Variants in SPATA22 observed in about 807,000 individuals in gnomAD.
SPATA22 encodes spermatogenesis-associated protein 22.
In SPATA22, 29 loss-of-function variants were observed where a neutral mutation model predicts 47.8. That is an observed-to-expected ratio of 0.61 (90% CI 0.45 to 0.83). SPATA22 has a LOEUF of 0.83. Ranked by LOEUF, SPATA22 falls within the 40% of genes least tolerant of loss-of-function variation. SPATA22 has a pLI of 0.00. For missense variants in SPATA22, 410 were observed against 421.7 expected, an observed-to-expected ratio of 0.97 and a Z score of 0.24; for synonymous variants, 133 against 140.9, an observed-to-expected ratio of 0.94 and a Z score of 0.40.
upstream of SPATA22, among the ~76,000 whole-genome samples, chr17:3,473,581 C>G (rs2073479530): frequency 6.6e-6 from 1 of 152,142 alleles, no homozygotes; most frequent in African/African-American, 2.4e-5. Flanking sequence ...TCACTGCAAC[C>G]TCCGCCTTCT....
intron 5 of SPATA22, among the ~76,000 whole-genome samples, chr17:3,450,736 A>ATT (rs961857472): frequency 1.3e-5 from 2 of 149,358 alleles, no homozygotes; most frequent in African/African-American, 4.9e-5. Context: ...AGAAAAATTT[A>ATT]TTTCAGCTTT....
At position 3,454,805 on chromosome 17, in the gene SPATA22, GTA is replaced by G. The variant is rs1429076617; in HGVS notation, c.330-5658_330-5657del. Among the ~76,000 whole-genome samples, 5 of 152,210 alleles carry G rather than the reference GTA, an allele frequency of 3.3e-5. No homozygotes were observed. The East Asian group carries it at 9.7e-4, about 29-fold the overall frequency. The stretch of plus-strand genomic sequence containing the variant: ...AGCAGCATGATTTATAGTCCTTTGG[GTA>G]TATACCCAGTAATGGGATGGCTGGG... On this transcript the variant is annotated intron_variant, in intron 5 of 8. Coordinates refer to ENST00000572969, the MANE Select transcript of SPATA22 (RefSeq NM_001170698.2).
intron 8 of SPATA22, 92 bp from the exon 9 acceptor site, chr17:3,440,430 C>G: frequency 9.2e-7 from 1 of 1,083,738 alleles, no homozygotes; most frequent in Non-Finnish European, 1.3e-6. Context: ...AAACATGTGC[C>G]ACCTCAAAAT....
At chr17:3,475,307 G>A (rs1449749903), upstream of SPATA22, 20 of 152,216 alleles carry the variant, frequency 1.3e-4, no homozygotes. Flanking sequence ...ATAAGGCTGT[G>A]TCTATGTAAG....
intron 1 of SPATA22, among the ~76,000 whole-genome samples, chr17:3,503,793 A>G (rs1287921052): frequency 6.6e-6 from 1 of 152,042 alleles, no homozygotes; most frequent in African/African-American, 2.4e-5. Flanking sequence ...CTACATTTGC[A>G]TTTTTCTCAT....
chr17:3,446,340 C>CCT (rs1555534315), intron 7 of SPATA22, 132 bp downstream of exon 7: 7 of 801,428 alleles, frequency 8.7e-6, no homozygotes, highest in Non-Finnish European at 1.3e-5. Flanking sequence ...ATTATTAAAA[C>CCT]CAGTTCTTTG....
chr17:3,473,710 A>T (rs2073481918), upstream of SPATA22, among the ~76,000 whole-genome samples: 3 of 151,996 alleles, frequency 2.0e-5, no homozygotes, highest in Admixed American at 6.6e-5. Context: ...GTTGGCCAGG[A>T]TGGTCTCGAA....
At chr17:3,484,509 T>G (rs777404205) in intron 1 of SPATA22, among the ~76,000 whole-genome samples, 3 of 151,142 alleles carry the variant, frequency 2.0e-5, no homozygotes, top group Non-Finnish European at 2.9e-5. Flanking sequence ...AGGTTGTGTA[T>G]GTGTATGTGT....
chr17:3,464,893 G>A (rs1350476791), intron 3 of SPATA22, among the ~76,000 whole-genome samples: 2 of 107,864 alleles, frequency 1.9e-5, no homozygotes, highest in Non-Finnish European at 4.9e-5. Context: ...GGGGGTGGGG[G>A]GGGGTCAGCC....
chr17:3,462,654 C>G, intron 4 of SPATA22, 53 bp downstream of exon 4: 1 of 1,574,066 alleles, frequency 6.4e-7, no homozygotes. Flanking sequence ...CGTAGAAGAA[C>G]AACATCAGTT....
At chr17:3,499,232 CT>C (rs1327654453) in intron 1 of SPATA22, 2 of 660,454 alleles carry the variant, frequency 3.0e-6, no homozygotes, top group Non-Finnish European at 4.9e-6. Flanking sequence ...AAGCACATTT[CT>C]TAAATTAATT....
intron 1 of SPATA22, among the ~76,000 whole-genome samples, chr17:3,491,473 G>A (rs556878768): frequency 9.2e-5 from 14 of 152,242 alleles, no homozygotes; most frequent in Admixed American, 2.6e-4. Context: ...CTGGCCAGGC[G>A]CGGTGGCTCA....
intron 1 of SPATA22, among the ~76,000 whole-genome samples, chr17:3,504,345 C>T (rs1206252262): frequency 6.6e-6 from 1 of 152,152 alleles, no homozygotes; most frequent in Non-Finnish European, 1.5e-5. Flanking sequence ...CCCTTCTCTA[C>T]TGGAACATCT....
At chr17:3,445,270 G>A (rs2072702152) in intron 7 of SPATA22, among the ~76,000 whole-genome samples, 2 of 152,198 alleles carry the variant, frequency 1.3e-5, no homozygotes, top group East Asian at 1.9e-4. Flanking sequence ...TTGCAGTTAC[G>A]TGGCTACTGG....
chr17:3,459,200 T>C (rs551375209), intron 5 of SPATA22, among the ~76,000 whole-genome samples: 111 of 152,160 alleles, frequency 7.3e-4, no homozygotes, highest in African/African-American at 2.5e-3. Context: ...AGAGATCTAA[T>C]GTAGAGCATG....
At chr17:3,487,805 G>A (rs1274598515) in intron 1 of SPATA22, among the ~76,000 whole-genome samples, 2 of 152,176 alleles carry the variant, frequency 1.3e-5, no homozygotes, top group Non-Finnish European at 2.9e-5. Flanking sequence ...ACTAATATCA[G>A]GATTCTATTA....
At chr17:3,451,327 T>A (rs1222795658) in intron 5 of SPATA22, among the ~76,000 whole-genome samples, 2 of 151,728 alleles carry the variant, frequency 1.3e-5, no homozygotes, top group Non-Finnish European at 2.9e-5. Context: ...TATTGACAAA[T>A]CTAAAAGGAA....
intron 6 of SPATA22, 47 bp downstream of exon 6, chr17:3,448,759 TA>T (rs1319045526): frequency 1.4e-6 from 2 of 1,385,532 alleles, no homozygotes; most frequent in Middle Eastern, 3.8e-4. Context: ...ATTTACCTCA[TA>T]TTTTTAAAAA....
rs754689698 is a variant in SPATA22, at chr17:3,489,198, C to G, written c.-73-19800G>C. ...CTTAGTTTTATAATATATTTTCATA[C>G]TTATATAAATGTGACTATCTCTCCT... On this transcript the variant is annotated intron_variant, in intron 1 of 8. Transcript: ENST00000541913. 7 of 1,207,388 alleles carry G rather than the reference C, an allele frequency of 5.8e-6. No individual in the cohort carries two copies. The South Asian group carries it at 8.8e-5, about 15-fold the overall frequency. The allele number at this position is 1,207,388 out of a possible 1,614,324, so 74.8% of individuals were successfully genotyped here. A position where few individuals can be genotyped will look rare whatever the true frequency, so the allele number is the denominator to read the frequency against.
Sources: allele counts gnomAD v4.1 joint callset (sites outside exome capture counted in the v4.1 genomes callset), GRCh38; gene constraint gnomAD v4.1.1; transcripts MANE v1.5; gene names NCBI Gene and HGNC (gene_info 2026-07-23, HGNC 2026-07-21).